Variants in RHOT1 observed in about 807,000 individuals in gnomAD.
RHOT1 encodes the protein ras homolog family member T1.
RHOT1 carries 27 observed loss-of-function variants against 95.3 expected under a neutral mutation model. The observed-to-expected ratio is 0.28, with a 90% CI of 0.21 to 0.39. The LOEUF is 0.39. RHOT1 is among the 10% of genes least tolerant of loss of function. The pLI is 1.00. For missense variants in RHOT1, 578 were observed against 786.7 expected, an observed-to-expected ratio of 0.73 and a Z score of 3.17; for synonymous variants, 227 against 263.5, an observed-to-expected ratio of 0.86 and a Z score of 1.34.
intron 1 of RHOT1, among the ~76,000 whole-genome samples, chr17:32,155,743 T>C (rs1357667192): frequency 6.6e-6 from 1 of 151,894 alleles, no homozygotes; most frequent in Non-Finnish European, 1.5e-5. Context: ...GGTCTCACTT[T>C]GTTGTCCAGG....
chr17:32,218,602 G>C (rs557795318), intron 19 of RHOT1, among the ~76,000 whole-genome samples: 1 of 151,866 alleles, frequency 6.6e-6, no homozygotes, highest in South Asian at 2.1e-4. Context: ...AAGCCCAGGA[G>C]TTCCAGACCA....
chr17:32,143,311 A>C (rs1403542673), intron 1 of RHOT1, among the ~76,000 whole-genome samples: 1 of 152,208 alleles, frequency 6.6e-6, no homozygotes, highest in Non-Finnish European at 1.5e-5. Flanking sequence ...TGACATTAAG[A>C]TATGAGTAGT....
At chr17:32,150,474 C>T in intron 1 of RHOT1, 1 of 987,486 alleles carries the variant, frequency 1.0e-6, no homozygotes, top group Non-Finnish European at 1.5e-6. Flanking sequence ...TCTGGAATTC[C>T]AGGCTGTCTG....
chr17:32,153,431 G>A (rs1011095677), intron 1 of RHOT1, among the ~76,000 whole-genome samples: 3 of 152,186 alleles, frequency 2.0e-5, no homozygotes, highest in African/African-American at 7.2e-5. Context: ...GGCCAATGCA[G>A]GAGGATAGCT....
chr17:32,170,993 C>G, intron 1 of RHOT1, 50 bp from the exon 2 acceptor site: 1 of 1,359,972 alleles, frequency 7.4e-7, no homozygotes, highest in Non-Finnish European at 1.0e-6. Flanking sequence ...CAAATTTGAG[C>G]TTATGTAGAA....
At position 32,196,181 on chromosome 17, in the gene RHOT1, CT is replaced by C. The variant is rs1226938688; in HGVS notation, c.869+2092del. 3.8e-3 allele frequency among the ~76,000 whole-genome samples: 511 copies of C among 134,510 alleles called. 1 individual carries two copies. The highest frequency in any genetic ancestry group is 7.7e-3 in the African/African-American group (283 of 36,582). The allele number at this position is 134,510 out of a possible 152,430, so 88.2% of individuals were successfully genotyped here. On this transcript the variant is annotated intron_variant, in intron 11 of 19. Transcript: ENST00000545287. ...ACACAGGATAAAACCCAAGCTGCTG[CT>C]TTTTTTTTTTTTTTTTTGAGACAGG...
chr17:32,146,679 C>T (rs1375448901), intron 1 of RHOT1, among the ~76,000 whole-genome samples: 3 of 146,018 alleles, frequency 2.1e-5, no homozygotes, highest in South Asian at 2.2e-4. Context: ...AGGATGGTCT[C>T]GATCTCCTGA....
chr17:32,209,097 G>A (rs1185973259), intron 18 of RHOT1: 4 of 224,618 alleles, frequency 1.8e-5, no homozygotes, highest in East Asian at 8.9e-5. Flanking sequence ...GAAAACTACA[G>A]TGTAACACAG....
chr17:32,160,946 T>TC (rs2033485023), intron 1 of RHOT1, among the ~76,000 whole-genome samples: 1 of 152,108 alleles, frequency 6.6e-6, no homozygotes, highest in African/African-American at 2.4e-5. Context: ...CACAGAAGTT[T>TC]CCAGTTGGTG....
At chr17:32,158,155 G>A (rs777924691) in intron 1 of RHOT1, among the ~76,000 whole-genome samples, 1 of 151,994 alleles carries the variant, frequency 6.6e-6, no homozygotes, top group Non-Finnish European at 1.5e-5. Flanking sequence ...TCTGTGCTCA[G>A]CCTTGTCTTA....
chr17:32,203,860 A>G (rs770619332), intron 15 of RHOT1, 30 bp from the exon 16 acceptor site: 1 of 1,506,542 alleles, frequency 6.6e-7, no homozygotes, highest in South Asian at 1.1e-5. Flanking sequence ...TAGTTACTGC[A>G]GATATTGAGA....
chr17:32,149,619 A>ATGTGTGTGTGTGTG (rs1422165602), intron 1 of RHOT1, among the ~76,000 whole-genome samples: 5 of 88,942 alleles, frequency 5.6e-5, no homozygotes, highest in African/African-American at 2.9e-4. Flanking sequence ...ATATATATAT[A>ATGTGTGTGTGTGTG]TATATATATA....
At chr17:32,154,743 A>C (rs908299412) in intron 1 of RHOT1, among the ~76,000 whole-genome samples, 3 of 151,640 alleles carry the variant, frequency 2.0e-5, no homozygotes, top group Admixed American at 6.6e-5. Context: ...AAATACAAAA[A>C]AATTAGCCGG....
chr17:32,209,532 A>G (rs1328377556), intron 18 of RHOT1: 7 of 785,658 alleles, frequency 8.9e-6, no homozygotes, highest in African/African-American at 1.7e-5. Flanking sequence ...GCCATAATTA[A>G]CATTTAGTAA....
intron 4 of RHOT1, 124 bp downstream of exon 4, chr17:32,175,486 C>A: frequency 1.1e-6 from 1 of 934,144 alleles, no homozygotes; most frequent in East Asian, 2.5e-5. Flanking sequence ...GTGTTTCACT[C>A]TGTCACCCAC....
At chr17:32,224,290 A>G (rs1293806250) in intron 19 of RHOT1, among the ~76,000 whole-genome samples, 2 of 152,210 alleles carry the variant, frequency 1.3e-5, no homozygotes, top group Non-Finnish European at 2.9e-5. Flanking sequence ...TTTCATTTTG[A>G]ACAACCGTAA....
In RHOT1 at chr17:32,177,391, A is replaced by G. The variant is rs149334698; in HGVS notation, c.329+1178A>G. ...TGGACAGGGATGCCTTGGGGGATCC[A>G]ATACCCATATGTTCCTAATATCTGC... On this transcript the variant is annotated intron_variant, in intron 6 of 19. Transcript: ENST00000545287. 5.7e-3 allele frequency among the ~76,000 whole-genome samples: 873 copies of G among 152,306 alleles called. 8 individuals carry two copies. Among genetic ancestry groups the G allele is most frequent in the African/African-American group, 0.02 (839 of 41,564 alleles).
chr17:32,196,181 CTT>C (rs1226938688), intron 11 of RHOT1, among the ~76,000 whole-genome samples: 4,159 of 134,342 alleles, frequency 0.031, 147 homozygotes, highest in African/African-American at 0.11. Flanking sequence ...CAAGCTGCTG[CTT>C]TTTTTTTTTT....
intron 1 of RHOT1, among the ~76,000 whole-genome samples, chr17:32,161,756 A>G (rs887713110): frequency 1.3e-4 from 20 of 152,216 alleles, no homozygotes; most frequent in African/African-American, 4.3e-4. Context: ...TTAAAGAGCA[A>G]GGTTTCCAAC....
Sources: gnomAD v4.1 joint callset for allele counts (sites outside exome capture counted in the v4.1 genomes callset) on GRCh38, gnomAD v4.1.1 for gene constraint, MANE v1.5 for transcripts, NCBI Gene and HGNC (gene_info 2026-07-23, HGNC 2026-07-21) for gene names.